The following NRG3 variants were observed in gnomAD, a reference collection of about 807,000 sequenced individuals.
NRG3 encodes pro-neuregulin-3, membrane-bound isoform.
Under a neutral mutation model 66.9 loss-of-function variants are expected in NRG3, and 31 were observed. The ratio of observed to expected loss-of-function variants is 0.46; its 90% confidence interval spans 0.35 to 0.63. The LOEUF (loss-of-function observed/expected upper bound fraction) is 0.63. Ranked by LOEUF, NRG3 falls within the 20% of genes least tolerant of loss-of-function variation. NRG3 has a pLI of 0.00. For synonymous variants in NRG3, 393 were observed against 359.4 expected, an observed-to-expected ratio of 1.09 and a Z score of -1.06; for missense variants, 910 against 878.9, an observed-to-expected ratio of 1.04 and a Z score of -0.45.
intron 1 of NRG3, among the ~76,000 whole-genome samples, chr10:82,248,885 G>C (rs1333124381): frequency 6.6e-6 from 1 of 152,104 alleles, no homozygotes; most frequent in Admixed American, 6.5e-5. Context: ...CCTGGTTTGT[G>C]TTTCCTGGCT....
At chr10:82,600,549 CA>C (rs2047559530) in intron 2 of NRG3, among the ~76,000 whole-genome samples, 1 of 152,178 alleles carries the variant, frequency 6.6e-6, no homozygotes, top group Non-Finnish European at 1.5e-5. Context: ...CAGCGCATTG[CA>C]ACCCCTGCCT....
chr10:82,742,444 T>C (rs1250109759), intron 3 of NRG3, among the ~76,000 whole-genome samples: 3 of 152,110 alleles, frequency 2.0e-5, no homozygotes, highest in African/African-American at 7.2e-5. Context: ...CATATTTACC[T>C]ATGAGGATCA....
At chr10:82,477,061 C>T (rs1004230017) in intron 2 of NRG3, among the ~76,000 whole-genome samples, 1 of 152,188 alleles carries the variant, frequency 6.6e-6, no homozygotes, top group Middle Eastern at 3.4e-3. Flanking sequence ...TATAAAACCA[C>T]ATGTGAACTA....
At chr10:82,376,282 G>A (rs1015293104) in intron 2 of NRG3, among the ~76,000 whole-genome samples, 9 of 152,238 alleles carry the variant, frequency 5.9e-5, no homozygotes, top group African/African-American at 1.7e-4. Flanking sequence ...AAACAAATTT[G>A]GATCTCTGTA....
intron 1 of NRG3, among the ~76,000 whole-genome samples, chr10:81,998,226 A>G (rs745972607): frequency 1.5e-4 from 23 of 152,244 alleles, no homozygotes; most frequent in Non-Finnish European, 3.2e-4. Context: ...TCTTCTGCTT[A>G]TCAAACAGGT....
In NRG3 at chr10:82,280,327, A is replaced by AT. The variant is rs150048822; in HGVS notation, c.824-78402dup. Among the ~76,000 whole-genome samples the AT allele has an allele frequency of 7.2e-3, 1,086 of 150,318 alleles. 15 individuals are homozygous for AT. The highest frequency in any genetic ancestry group is 0.024 in the African/African-American group (1,000 of 41,090). On this transcript the variant is annotated intron_variant, in intron 1 of 8. Transcript: ENST00000372141. Reference sequence around the variant, plus strand: ...CTTAGGCTCAGCATATCAAGTGACAATTTTTTTTTTGGTGTGCTGCCAACT... The same window carrying AT: ...CTTAGGCTCAGCATATCAAGTGACAATTTTTTTTTTTGGTGTGCTGCCAACT...
At position 81,954,208 on chromosome 10, in the gene NRG3, C is replaced by G. The variant is rs2133216623; in HGVS notation, c.823+78045C>G. On this transcript the variant is annotated intron_variant, in intron 1 of 8. Transcript: ENST00000372141. ...AGCAGAGTTAATTTAGGAAGCAGCC[C>G]TGTTGTGGATGGGAAATGTTTGCTG... 2.0e-5 allele frequency among the ~76,000 whole-genome samples: 3 copies of G among 152,130 alleles called. 1 individual carries two copies. In the South Asian group the frequency reaches 6.2e-4, roughly 32 times the overall value.
At chr10:82,526,605 A>ACAAAAATTGTCTTTTAG (rs1846726550) in intron 2 of NRG3, among the ~76,000 whole-genome samples, 1 of 151,992 alleles carries the variant, frequency 6.6e-6, no homozygotes, top group South Asian at 2.1e-4. Context: ...TATAAATATA[A>ACAAAAATTGTCTTTTAG]CAAAAATTGT....
intron 1 of NRG3, among the ~76,000 whole-genome samples, chr10:82,085,568 C>T (rs180706500): frequency 6.6e-6 from 1 of 152,138 alleles, no homozygotes; most frequent in African/African-American, 2.4e-5. Context: ...CAGACTCACA[C>T]TTTTATTAGG....
intron 2 of NRG3, among the ~76,000 whole-genome samples, chr10:82,556,671 A>G (rs1164735474): frequency 2.0e-5 from 3 of 152,182 alleles, no homozygotes; most frequent in Admixed American, 6.6e-5. Context: ...TCAGGGGTAC[A>G]TGTGATGGTG....
chr10:82,308,366 G>A (rs980957693), intron 1 of NRG3, among the ~76,000 whole-genome samples: 1 of 152,136 alleles, frequency 6.6e-6, no homozygotes, highest in Non-Finnish European at 1.5e-5. Flanking sequence ...TGGGATTACA[G>A]GCATGAGCCA....
At chr10:82,400,908 T>C (rs1346948983) in intron 2 of NRG3, among the ~76,000 whole-genome samples, 2 of 152,088 alleles carry the variant, frequency 1.3e-5, no homozygotes, top group Non-Finnish European at 2.9e-5. Context: ...AAGATCAAAC[T>C]GTTATTTGTT....
intron 1 of NRG3, among the ~76,000 whole-genome samples, chr10:82,066,479 C>A (rs2064476361): frequency 6.6e-6 from 1 of 152,084 alleles, no homozygotes; most frequent in South Asian, 2.1e-4. Context: ...TTATGGTTAA[C>A]TGATGCAGGG....
chr10:82,287,611 C>T (rs185981501), intron 1 of NRG3, among the ~76,000 whole-genome samples: 1 of 152,032 alleles, frequency 6.6e-6, no homozygotes. Flanking sequence ...TAATGCTTCT[C>T]TGAGATTTCT....
intron 1 of NRG3, among the ~76,000 whole-genome samples, chr10:82,287,442 A>G (rs929529832): frequency 3.9e-5 from 6 of 151,950 alleles, no homozygotes; most frequent in Non-Finnish European, 8.8e-5. Context: ...TTCTTTGTAA[A>G]TTACCCAGTC....
intron 2 of NRG3, among the ~76,000 whole-genome samples, chr10:82,492,024 G>T (rs1233890120): frequency 1.3e-5 from 2 of 152,148 alleles, no homozygotes; most frequent in Non-Finnish European, 2.9e-5. Flanking sequence ...AGCCTCTCTA[G>T]AATTCCTTGA....
chr10:82,056,455 A>G (rs932556167), intron 1 of NRG3, among the ~76,000 whole-genome samples: 2 of 152,200 alleles, frequency 1.3e-5, no homozygotes, highest in African/African-American at 4.8e-5. Flanking sequence ...AGATACAATT[A>G]TAGAAGTGAG....
chr10:82,903,390 G>A (rs951345550), intron 4 of NRG3, among the ~76,000 whole-genome samples: 4 of 152,016 alleles, frequency 2.6e-5, no homozygotes, highest in African/African-American at 7.2e-5. Context: ...ATTGTGTTTA[G>A]TGCAGTACCT....
At position 82,976,511 on chromosome 10, in the gene NRG3, C is replaced by T. The variant is rs145386453; in HGVS notation, c.1413-2439C>T. 6.4e-4 allele frequency among the ~76,000 whole-genome samples: 98 copies of T among 152,312 alleles called. No homozygotes were observed. The East Asian group carries it at 0.014, about 22-fold the overall frequency. ...CTATTGTGTGCCAGGCTCCATGCCC[C>T]ATGCTTTGCATACTTCCTCTCTTTA... On this transcript the variant is annotated intron_variant, in intron 7 of 8. Coordinates refer to ENST00000372141, the MANE Select transcript of NRG3 (RefSeq NM_001010848.4).
Sources: allele counts gnomAD v4.1 joint callset (sites outside exome capture counted in the v4.1 genomes callset), GRCh38; gene constraint gnomAD v4.1.1; transcripts MANE v1.5; gene names NCBI Gene and HGNC (gene_info 2026-07-23, HGNC 2026-07-21).